The following PCSK1 variants were observed in gnomAD, a reference collection of about 807,000 sequenced individuals.
PCSK1 encodes neuroendocrine convertase 1.
Under a neutral mutation model 90.6 loss-of-function variants are expected in PCSK1, and 56 were observed. The ratio of observed to expected loss-of-function variants is 0.62; its 90% CI spans 0.50 to 0.77. PCSK1 has a LOEUF of 0.77. Among genes scored for constraint, PCSK1 ranks in the 30% least tolerant of loss-of-function variants. The pLI, the probability that PCSK1 is intolerant of heterozygous loss-of-function variation, is 0.00. For synonymous variants in PCSK1, 348 were observed against 342.4 expected (o/e 1.02, Z -0.18); for missense variants, 801 against 932.6 (o/e 0.86, Z 1.84).
chr5:96,425,012 GAAAGAAAGAAAGAAAGAAAGAAAGAAA>G (rs1761245987), intron 3 of PCSK1, among the ~76,000 whole-genome samples: 1 of 19,740 alleles, frequency 5.1e-5, no homozygotes, highest in African/African-American at 1.7e-4. Context: ...AGAAAGAAAA[GAAAGAAAGAAAGAAAGAAAGAAAGAAA>G]GAAAGAAAGA....
At chr5:96,428,564 C>A (rs1315784938) in intron 2 of PCSK1, among the ~76,000 whole-genome samples, 1 of 152,168 alleles carries the variant, frequency 6.6e-6, no homozygotes, top group Non-Finnish European at 1.5e-5. Flanking sequence ...ATATTTATTT[C>A]TGCTGTAACC....
At chr5:96,405,159 G>A (rs942315130) in intron 9 of PCSK1, among the ~76,000 whole-genome samples, 1 of 152,180 alleles carries the variant, frequency 6.6e-6, no homozygotes, top group East Asian at 1.9e-4. Flanking sequence ...TACCTTGGCA[G>A]TAAGGATATA....
At chr5:96,428,472 A>G (rs1761388126) in intron 2 of PCSK1, among the ~76,000 whole-genome samples, 1 of 152,236 alleles carries the variant, frequency 6.6e-6, no homozygotes, top group African/African-American at 2.4e-5. Context: ...ATTTTCTAAT[A>G]TGTTTGTTGA....
intron 8 of PCSK1, among the ~76,000 whole-genome samples, chr5:96,409,451 A>G (rs1053579464): frequency 6.6e-6 from 1 of 152,204 alleles, no homozygotes; most frequent in African/African-American, 2.4e-5. Flanking sequence ...GCTGAGGAAA[A>G]GGTTTGCGTA....
At chr5:96,408,101 C>T in intron 9 of PCSK1, 122 bp downstream of exon 9, 1 of 725,492 alleles carries the variant, frequency 1.4e-6, no homozygotes, top group South Asian at 1.5e-5. Context: ...CAGGAAAGAG[C>T]TTATCTTTAT....
intron 13 of PCSK1, among the ~76,000 whole-genome samples, chr5:96,393,904 G>T (rs1219855935): frequency 6.6e-6 from 1 of 152,144 alleles, no homozygotes; most frequent in Non-Finnish European, 1.5e-5. Flanking sequence ...GGGAGCTGGA[G>T]AGCTCAGAGA....
At chr5:96,432,052 A>T (rs752270505) in intron 1 of PCSK1, 1 of 1,478,510 alleles carries the variant, frequency 6.8e-7, no homozygotes. Flanking sequence ...GGCAACAATA[A>T]GCTGAAATTC....
chr5:96,395,282 T>A (rs887288750), intron 12 of PCSK1, among the ~76,000 whole-genome samples: 1 of 152,228 alleles, frequency 6.6e-6, no homozygotes, highest in Non-Finnish European at 1.5e-5. Context: ...CTTTTCCATA[T>A]TGGATGTGTT....
chr5:96,405,666 G>A (rs1443303008), intron 9 of PCSK1, among the ~76,000 whole-genome samples: 1 of 152,128 alleles, frequency 6.6e-6, no homozygotes, highest in Non-Finnish European at 1.5e-5. Context: ...GTGAGACACT[G>A]TCTCCAAAAG....
At chr5:96,407,321 G>C (rs1200023401) in intron 9 of PCSK1, among the ~76,000 whole-genome samples, 2 of 152,160 alleles carry the variant, frequency 1.3e-5, no homozygotes, top group Non-Finnish European at 2.9e-5. Context: ...AGCAACCCCA[G>C]AAGACAAAGA....
chr5:96,404,615 G>A (rs747831710), intron 9 of PCSK1, among the ~76,000 whole-genome samples: 1 of 152,104 alleles, frequency 6.6e-6, no homozygotes, highest in East Asian at 1.9e-4. Flanking sequence ...TCATTTATCA[G>A]CCTCAATCTT....
intron 5 of PCSK1, among the ~76,000 whole-genome samples, chr5:96,416,658 A>G (rs1033795907): frequency 2.6e-5 from 4 of 152,156 alleles, no homozygotes; most frequent in Non-Finnish European, 5.9e-5. Context: ...CTCTAAATAT[A>G]TGCCACACTA....
chr5:96,393,392 T>C lies in PCSK1; in HGVS notation c.1885-14A>G, dbSNP rs1179372330. 12 of 1,613,092 alleles carry C rather than the reference T, an allele frequency of 7.4e-6. No homozygotes were observed. Among genetic ancestry groups the C allele is most frequent in the Non-Finnish European group, 1.0e-5 (12 of 1,179,836 alleles). On this transcript the variant is annotated splice_polypyrimidine_tract_variant and intron_variant, in intron 13 of 13. Transcript: ENST00000311106. ...TGTGGGCTGCTCCTAAAACATAGAA[T>C]GCCATCCACAAAGGGAAGAAGGTTC...
chr5:96,407,916 T>C (rs1288271628), intron 9 of PCSK1, among the ~76,000 whole-genome samples: 2 of 152,032 alleles, frequency 1.3e-5, no homozygotes, highest in African/African-American at 4.8e-5. Context: ...ATAGCATGAG[T>C]TTTAAAGGTC....
chr5:96,432,708 C>A (rs1431519095), intron 1 of PCSK1, among the ~76,000 whole-genome samples, 155 bp downstream of exon 1: 8 of 152,170 alleles, frequency 5.3e-5, no homozygotes. Flanking sequence ...TCTCTCTCTC[C>A]AAGCGCGACA....
intron 11 of PCSK1, among the ~76,000 whole-genome samples, chr5:96,397,987 T>C (rs574857767): frequency 6.6e-6 from 1 of 152,188 alleles, no homozygotes; most frequent in East Asian, 1.9e-4. Flanking sequence ...GATATATTAA[T>C]TTAACAATCT....
chr5:96,421,423 C>T (rs1761125760), intron 5 of PCSK1, among the ~76,000 whole-genome samples: 1 of 152,176 alleles, frequency 6.6e-6, no homozygotes, highest in African/African-American at 2.4e-5. Flanking sequence ...TGGCCATGCT[C>T]TTCTGAGAGA....
intron 11 of PCSK1, 148 bp downstream of exon 11, chr5:96,398,731 A>G (rs948985096): frequency 4.1e-6 from 3 of 725,142 alleles, no homozygotes; most frequent in Non-Finnish European, 7.2e-6. Flanking sequence ...ATCTAACACC[A>G]AGAAAAAGGA....
At chr5:96,424,960 T>C (rs1761234994) in intron 3 of PCSK1, among the ~76,000 whole-genome samples, 2 of 67,380 alleles carry the variant, frequency 3.0e-5, no homozygotes, top group Non-Finnish European at 5.6e-5. Context: ...CAAAACTCTG[T>C]CAAAAAAAAA....
Sources: gnomAD v4.1 joint callset for allele counts (sites outside exome capture counted in the v4.1 genomes callset) on GRCh38, gnomAD v4.1.1 for gene constraint, MANE v1.5 for transcripts, NCBI Gene and HGNC (gene_info 2026-07-23, HGNC 2026-07-21) for gene names.